Variants in RPS6KA2 observed in about 807,000 individuals in gnomAD.
RPS6KA2 encodes the protein ribosomal protein S6 kinase A2, also known as ribosomal protein S6 kinase alpha-2.
RPS6KA2 carries 42 observed loss-of-function variants against 91.8 expected under a neutral mutation model. That is an observed-to-expected ratio of 0.46 (90% confidence interval 0.36 to 0.59). The LOEUF (loss-of-function observed/expected upper bound fraction) is 0.59. Ranked by LOEUF, RPS6KA2 falls within the 20% of genes least tolerant of loss-of-function variation. The pLI is 0.00. For missense variants in RPS6KA2, 798 were observed against 978.5 expected, an observed-to-expected ratio of 0.82 and a Z score of 2.46; for synonymous variants, 414 against 393.6, an observed-to-expected ratio of 1.05 and a Z score of -0.61.
intron 1 of RPS6KA2, among the ~76,000 whole-genome samples, chr6:166,540,336 C>T (rs1783614698): frequency 6.6e-6 from 1 of 152,252 alleles, no homozygotes; most frequent in South Asian, 2.1e-4. Flanking sequence ...CGTGGAAACT[C>T]ACAGCGGATT....
At chr6:166,828,690 A>G (rs1188931520) in intron 2 of RPS6KA2, among the ~76,000 whole-genome samples, 1 of 152,248 alleles carries the variant, frequency 6.6e-6, no homozygotes, top group African/African-American at 2.4e-5. Context: ...GATAGATGAA[A>G]GACCTAAATG....
intron 2 of RPS6KA2, among the ~76,000 whole-genome samples, chr6:166,801,396 G>A (rs934965636): frequency 4.6e-5 from 7 of 152,086 alleles, no homozygotes; most frequent in African/African-American, 1.7e-4. Context: ...AGGCTGGAAT[G>A]GAGCAGTGCA....
intron 1 of RPS6KA2, among the ~76,000 whole-genome samples, chr6:166,593,458 T>C (rs1382838045): frequency 6.6e-6 from 1 of 152,224 alleles, no homozygotes; most frequent in Admixed American, 6.5e-5. Flanking sequence ...TGATCAAGTG[T>C]TAACAGAGTA....
intron 2 of RPS6KA2, among the ~76,000 whole-genome samples, chr6:166,718,750 C>T (rs1243257103): frequency 6.6e-6 from 1 of 152,178 alleles, no homozygotes; most frequent in African/African-American, 2.4e-5. Context: ...GTGACATAAA[C>T]TTGGCAGGAC....
At chr6:166,491,839 T>G (rs539481601) in intron 8 of RPS6KA2, among the ~76,000 whole-genome samples, 3 of 152,398 alleles carry the variant, frequency 2.0e-5, no homozygotes, top group Non-Finnish European at 2.9e-5. Flanking sequence ...GTTTTTTATT[T>G]TGTTTTAAAA....
At chr6:166,441,861 G>A (rs1193658533) in intron 14 of RPS6KA2, among the ~76,000 whole-genome samples, 1 of 152,268 alleles carries the variant, frequency 6.6e-6, no homozygotes, top group Non-Finnish European at 1.5e-5. Flanking sequence ...GGAAGCTGGA[G>A]CAGCTGCCGG....
chr6:166,765,398 C>T (rs1778284161), intron 2 of RPS6KA2, among the ~76,000 whole-genome samples: 1 of 152,230 alleles, frequency 6.6e-6, no homozygotes, highest in African/African-American at 2.4e-5. Context: ...ATGGCCCCCG[C>T]ACCTGCTCCC....
chr6:166,437,659 G>C lies in RPS6KA2; in HGVS notation c.1333-5169C>G, dbSNP rs35260027. ...CTTCCTTAGAGATGCTGAGTCTAGGGGTCTGAATATCCACGAAGCAATTCT... is the reference window on the plus strand; with the variant it reads ...CTTCCTTAGAGATGCTGAGTCTAGGCGTCTGAATATCCACGAAGCAATTCT... On this transcript the variant is annotated intron_variant, in intron 14 of 20. Coordinates refer to ENST00000265678, the MANE Select transcript of RPS6KA2 (RefSeq NM_021135.6). This position sits in a 1 kb window ranked among gnomAD's most constrained non-coding sequence, Gnocchi z 4.3. 5.9e-5 allele frequency among the ~76,000 whole-genome samples: 9 copies of C among 152,202 alleles called. No homozygotes were observed. Among genetic ancestry groups the C allele is most frequent in the African/African-American group, 2.2e-4 (9 of 41,554 alleles).
chr6:166,562,713 A>G (rs1784379256), intron 1 of RPS6KA2, among the ~76,000 whole-genome samples: 2 of 152,242 alleles, frequency 1.3e-5, no homozygotes, highest in Non-Finnish European at 2.9e-5. Flanking sequence ...ACATTCCAAG[A>G]AACAGCCTCA....
intron 13 of RPS6KA2, among the ~76,000 whole-genome samples, chr6:166,450,543 G>T (rs1779870489): frequency 7.0e-6 from 1 of 143,630 alleles, no homozygotes; most frequent in Non-Finnish European, 1.5e-5. Flanking sequence ...ACACCATGGG[G>T]ACCACCACAG....
In RPS6KA2 at chr6:166,862,238, C is replaced by G. The variant is rs1457998553; in HGVS notation, c.-68G>C. 5 of 1,610,382 alleles carry G rather than the reference C, an allele frequency of 3.1e-6. No individual in the cohort carries two copies. The East Asian group carries it at 1.1e-4, about 36-fold the overall frequency. On this transcript the variant is annotated 5_prime_UTR_variant, in exon 1 of 22. Coordinates refer to the RPS6KA2 transcript ENST00000503859. ...AAAGGAAATAAACAGAGGCTCGGAC[C>G]GGCACAGGGGGACGGCCAGACGGGA...
intron 3 of RPS6KA2, among the ~76,000 whole-genome samples, chr6:166,522,592 G>A (rs766459974): frequency 1.9e-4 from 29 of 152,150 alleles, no homozygotes; most frequent in Middle Eastern, 3.2e-3. Flanking sequence ...GTGCTAGCTC[G>A]GTCTCCCCCA....
intron 5 of RPS6KA2, among the ~76,000 whole-genome samples, chr6:166,505,258 T>TG (rs1782160540): frequency 6.6e-6 from 1 of 152,046 alleles, no homozygotes; most frequent in African/African-American, 2.4e-5. Context: ...CCCACGTAGC[T>TG]GGGACAGCTC....
chr6:166,649,015 G>A (rs1787765326), intron 2 of RPS6KA2, among the ~76,000 whole-genome samples: 1 of 152,102 alleles, frequency 6.6e-6, no homozygotes, highest in Non-Finnish European at 1.5e-5. Context: ...TGTTACCAAA[G>A]CATTATCCCT....
At chr6:166,853,858 C>T (rs1416923558) in intron 2 of RPS6KA2, among the ~76,000 whole-genome samples, 6 of 152,248 alleles carry the variant, frequency 3.9e-5, no homozygotes, top group African/African-American at 1.4e-4. Context: ...TCCTTTGCCT[C>T]AGTACACATG....
At chr6:166,753,489 C>T (rs959932128) in intron 2 of RPS6KA2, among the ~76,000 whole-genome samples, 11 of 152,138 alleles carry the variant, frequency 7.2e-5, no homozygotes, top group Non-Finnish European at 1.6e-4. Context: ...CTGTGTTGAC[C>T]TTTCTACATG....
At chr6:166,561,322 G>A (rs1057121683) in intron 1 of RPS6KA2, among the ~76,000 whole-genome samples, 1 of 152,044 alleles carries the variant, frequency 6.6e-6, no homozygotes, top group Non-Finnish European at 1.5e-5. Context: ...TCCCTGCTTT[G>A]TCCCCGATAC....
chr6:166,601,624 C>A (rs917164803), intron 1 of RPS6KA2, among the ~76,000 whole-genome samples: 2 of 152,124 alleles, frequency 1.3e-5, no homozygotes, highest in African/African-American at 4.8e-5. Flanking sequence ...TGTGTGAATT[C>A]AGAAGTGCTT....
chr6:166,672,878 C>T (rs746011896), intron 2 of RPS6KA2, among the ~76,000 whole-genome samples: 6 of 152,164 alleles, frequency 3.9e-5, no homozygotes, highest in African/African-American at 7.2e-5. Flanking sequence ...AGGCAGTTGC[C>T]GTAAGCCTTA....
Sources: allele counts gnomAD v4.1 joint callset (sites outside exome capture counted in the v4.1 genomes callset), GRCh38; gene constraint gnomAD v4.1.1; non-coding constraint Gnocchi (gnomAD v3.1); transcripts MANE v1.5; gene names NCBI Gene and HGNC (gene_info 2026-07-23, HGNC 2026-07-21).